The following MRPS24 variants were observed in gnomAD, a reference collection of about 807,000 sequenced individuals.
MRPS24 encodes the protein mitochondrial ribosomal protein S24.
MRPS24 carries 15 observed loss-of-function variants against 21.8 expected under a neutral mutation model. The observed-to-expected ratio is 0.69, with a 90% confidence interval of 0.46 to 1.06. The LOEUF is 1.06. Ranked by LOEUF, MRPS24 falls within the 50% of genes least tolerant of loss-of-function variation. MRPS24 has a pLI of 0.00. For synonymous variants in MRPS24, 93 were observed against 93.7 expected (o/e 0.99, Z 0.04); for missense variants, 224 against 219.1 (o/e 1.02, Z -0.14).
Position 43,869,360 on chromosome 7 carries a change from C to T in MRPS24, c.56G>A (p.Arg19Gln). 6.5e-7 allele frequency: 1 copy of T among 1,549,476 alleles called. No homozygotes were observed. Residue 19 changes from arginine (R) to glutamine (Q), a missense_variant, in exon 2 of 4, where the codon CGA becomes CAA. Transcript: ENST00000317534. The surrounding 1 kb of genome is among the most constrained non-coding windows in gnomAD (Gnocchi z 4.8). Reference sequence around the variant, plus strand: ...GGCGCGCCAAGCGCAAGGCAGCTCTCGGCTCCAGGACAGCACCTGTGGAGG... The same window carrying T: ...GGCGCGCCAAGCGCAAGGCAGCTCTTGGCTCCAGGACAGCACCTGTGGAGG... ...LLGPRVLSWS[R>Q]ELPCAWRALH...
At chr7:43,867,111 C>T (rs756308447) in intron 3 of MRPS24, 129 bp from the exon 4 acceptor site, 18 of 893,372 alleles carry the variant, frequency 2.0e-5, no homozygotes, top group Non-Finnish European at 2.9e-5. Flanking sequence ...CTCTTTTCTT[C>T]TGCTAATGGA....
Position 43,866,772 on chromosome 7 carries a change from G to A in MRPS24, c.431C>T (p.Ser144Phe). The stretch of plus-strand genomic sequence containing the variant: ...TCGCACAGGACATTTGTAAAAGTAG[G>A]ACAGCAAAGTTTCACTGTAGCCCAC... ...FLVGYSETLL[S>F]YFYKCPVRLH... Residue 144 changes from serine (S) to phenylalanine (F), a missense_variant, in exon 4 of 4, where the codon TCC becomes TTC. Ser to Phe is a radical substitution (Grantham distance 155, BLOSUM62 -2). Transcript: ENST00000317534. 1.9e-6 allele frequency: 3 copies of A among 1,614,186 alleles called. No individual in the cohort carries two copies. Among genetic ancestry groups the A allele is most frequent in the Middle Eastern group, 1.6e-4 (1 of 6,062 alleles).
rs752933133 is a variant in MRPS24, at chr7:43,869,479, C to T, written c.17G>A (p.Cys6Tyr). Residue 6 changes from cysteine (C) to tyrosine (Y), a missense_variant, in exon 1 of 4, where the codon TGC (cysteine) becomes TAC (tyrosine). Physicochemically the swap from Cys to Tyr is radical, Grantham distance 194 (BLOSUM62 -2). Transcript: ENST00000317534. The surrounding 1 kb of genome is among the most constrained non-coding windows in gnomAD (Gnocchi z 4.8). MAASVCSGLLGPRVLS... is the reference protein window; with the variant it reads MAASVYSGLLGPRVLS... Reference sequence around the variant, plus strand: ...CACCCGTGGCCCCAGCAACCCGCTGCACACGGAGGCCGCCATCTTGGGCCA... The same window carrying T: ...CACCCGTGGCCCCAGCAACCCGCTGTACACGGAGGCCGCCATCTTGGGCCA... The T allele has an allele frequency of 3.8e-6, 6 of 1,569,888 alleles. No homozygotes were observed. Among genetic ancestry groups the T allele is most frequent in the Non-Finnish European group, 5.2e-6 (6 of 1,158,962 alleles).
chr7:43,869,422 C>T lies in MRPS24; in HGVS notation c.39+35G>A, dbSNP rs1409179169. 2.6e-6 allele frequency: 4 copies of T among 1,552,892 alleles called. No homozygotes were observed. The South Asian group carries it at 4.7e-5, about 18-fold the overall frequency. On this transcript the variant is annotated intron_variant, in intron 1 of 3. Coordinates refer to ENST00000317534, the MANE Select transcript of MRPS24 (RefSeq NM_032014.3). The surrounding 1 kb of genome is among the most constrained non-coding windows in gnomAD (Gnocchi z 4.8). ...AGGCGGAAACTAGGGACCCCACCTC[C>T]GACTCGCAGGGACCTGCCGAGTCGC...
In MRPS24 at chr7:43,869,407, T is replaced by C. The variant is rs902541628; in HGVS notation, c.40-31A>G. On this transcript the variant is annotated intron_variant, in intron 1 of 3. Transcript: ENST00000317534. The surrounding 1 kb of genome is among the most constrained non-coding windows in gnomAD (Gnocchi z 4.8). ...GAGGGAGGGCGCGTGAGGCGGAAAC[T>C]AGGGACCCCACCTCCGACTCGCAGG... 1.3e-6 allele frequency: 2 copies of C among 1,550,890 alleles called. No homozygotes were observed. The highest frequency in any genetic ancestry group is 3.9e-5 in the Admixed American group (2 of 51,162).
chr7:43,869,320 CGGG>C lies in MRPS24; in HGVS notation c.93_95del (p.Pro32del). 1.9e-6 allele frequency: 3 copies of C among 1,545,438 alleles called. No homozygotes were observed. Among genetic ancestry groups the C allele is most frequent in the Admixed American group, 2.0e-5 (1 of 50,980 alleles). ...CGGCGGTGCTCACCTTGGCGCAGACCGGGGAGGTGTGCAGGGCGCGCCAAGCGC... is the reference window on the plus strand; with the variant it reads ...CGGCGGTGCTCACCTTGGCGCAGACCGAGGTGTGCAGGGCGCGCCAAGCGC... On this transcript the variant is annotated inframe_deletion, in exon 2 of 4. Transcript: ENST00000317534. The surrounding 1 kb of genome is among the most constrained non-coding windows in gnomAD (Gnocchi z 4.8).
At chr7:43,868,362 C>T (rs1325945786) in intron 3 of MRPS24, 2 of 152,240 alleles carry the variant, frequency 1.3e-5, no homozygotes, top group African/African-American at 2.4e-5. Context: ...TAGGCAGAGC[C>T]TTGTCGACCT....
At position 43,869,254 on chromosome 7, in the gene MRPS24, G is replaced by GCCCCCCGGC; in HGVS notation, c.108+53_108+54insGCCGGGGGG. 6 of 1,475,062 alleles carry GCCCCCCGGC rather than the reference G, an allele frequency of 4.1e-6. No individual in the cohort carries two copies. Among genetic ancestry groups the GCCCCCCGGC allele is most frequent in the Non-Finnish European group, 5.4e-6 (6 of 1,114,142 alleles). The allele number at this position is 1,475,062 out of a possible 1,614,324, so 91.4% of individuals were successfully genotyped here. A position where few individuals can be genotyped will look rare whatever the true frequency, so the allele number is the denominator to read the frequency against. Reference sequence around the variant, plus strand: ...CCCTTCAGCCCGCACGGCTTCCCCGGCCCCCGGCCCCCCGGCCCCCAGGCC... The same window carrying GCCCCCCGGC: ...CCCTTCAGCCCGCACGGCTTCCCCGGCCCCCCGGCCCCCCGGCCCCCCGGCCCCCAGGCC... On this transcript the variant is annotated intron_variant, in intron 2 of 3. Transcript: ENST00000317534. This position sits in a 1 kb window ranked among gnomAD's most constrained non-coding sequence, Gnocchi z 4.8.
In MRPS24 at chr7:43,866,797, CGA is replaced by C. The variant is rs780105594; in HGVS notation, c.404_405del (p.Leu135ArgfsTer5). ...GACAGCAAAGTTTCACTGTAGCCCA[CGA>C]GGAAGTAGTACTTGTGTGGAGACAA... Reference protein sequence around the residue: ...RQLSPHKYYFLVGYSETLLSY... With the variant: ...RQLSPHKYYFXVGYSETLLSY... On this transcript the variant is annotated frameshift_variant, in exon 4 of 4. Coordinates refer to ENST00000317534, the MANE Select transcript of MRPS24 (RefSeq NM_032014.3). LOFTEE classifies it high-confidence loss of function. 1 of 1,614,230 alleles carries C rather than the reference CGA, an allele frequency of 6.2e-7. No homozygotes were observed. The highest frequency in any genetic ancestry group is 2.2e-5 in the East Asian group (1 of 44,894).
intron 3 of MRPS24, 71 bp from the exon 4 acceptor site, chr7:43,867,053 A>T (rs1031002758): frequency 1.3e-6 from 2 of 1,535,642 alleles, no homozygotes; most frequent in African/African-American, 2.7e-5. Flanking sequence ...TCCAGAGTCA[A>T]CATCCAAAAG....
Position 43,869,457 on chromosome 7 carries a change from C to T in MRPS24, c.39G>A (p.Arg13=). The T allele has an allele frequency of 6.4e-7, 1 of 1,564,854 alleles. No homozygotes were observed. The highest frequency in any genetic ancestry group is 8.7e-7 in the Non-Finnish European group (1 of 1,155,708). ...ASVCSGLLGP[R]VLSWSRELPC... is the part of the protein sequence containing the mutation. ...GGACCTGCCGAGTCGCCCCACTCACCCGTGGCCCCAGCAACCCGCTGCACA... is the reference window on the plus strand; with the variant it reads ...GGACCTGCCGAGTCGCCCCACTCACTCGTGGCCCCAGCAACCCGCTGCACA... The change falls in exon 1 of 4, where the codon CGG becomes CGA. Residue 13 remains arginine, a splice_region_variant and synonymous_variant. Coordinates refer to ENST00000317534, the MANE Select transcript of MRPS24 (RefSeq NM_032014.3). This position sits in a 1 kb window ranked among gnomAD's most constrained non-coding sequence, Gnocchi z 4.8.
rs1294163426 is a variant in MRPS24, at chr7:43,869,287, C to T, written c.108+21G>A. On this transcript the variant is annotated intron_variant, in intron 2 of 3. Coordinates refer to ENST00000317534, the MANE Select transcript of MRPS24 (RefSeq NM_032014.3). This position sits in a 1 kb window ranked among gnomAD's most constrained non-coding sequence, Gnocchi z 4.8. ...CCCCCCGGCCCCCAGGCCCCCAGGC[C>T]CCTGCCCCGGCGGTGCTCACCTTGG... is the stretch of plus-strand genomic sequence containing the variant. The T allele has an allele frequency of 3.3e-6, 5 of 1,532,848 alleles. No homozygotes were observed. Among genetic ancestry groups the T allele is most frequent in the Admixed American group, 4.0e-5 (2 of 50,560 alleles). 95.0% of individuals were successfully genotyped at this position (1,532,848 alleles called of 1,614,324 possible). A position where few individuals can be genotyped will look rare whatever the true frequency, so the allele number is the denominator to read the frequency against.
chr7:43,866,907 G>C lies in MRPS24; in HGVS notation c.296C>G (p.Thr99Ser), dbSNP rs752722957. ...DVFLRKFMWG[T>S]FPGCLADQLV... is the part of the protein sequence containing the mutation. ...CTGGTCAGCCAGGCAGCCTGGGAAGGTACCCCACATGAACTTGCGAAGGAA... is the reference window on the plus strand; with the variant it reads ...CTGGTCAGCCAGGCAGCCTGGGAAGCTACCCCACATGAACTTGCGAAGGAA... The change falls in exon 4 of 4, where the codon ACC becomes AGC. Residue 99 changes from threonine to serine, a missense_variant. By Grantham distance (58) the Thr-to-Ser change is moderately conservative. Transcript: ENST00000317534. 1.2e-6 allele frequency: 2 copies of C among 1,614,186 alleles called. No individual in the cohort carries two copies. The highest frequency in any genetic ancestry group is 1.7e-6 in the Non-Finnish European group (2 of 1,180,028).
At chr7:43,868,055 C>T (rs1163531786) in intron 3 of MRPS24, 1 of 152,118 alleles carries the variant, frequency 6.6e-6, no homozygotes, top group Non-Finnish European at 1.5e-5. Flanking sequence ...CAATACATAA[C>T]CTAGTTTCCT....
chr7:43,866,671 AC>A lies in MRPS24; in HGVS notation c.*27del. On this transcript the variant is annotated 3_prime_UTR_variant, in exon 4 of 4. Coordinates refer to ENST00000317534, the MANE Select transcript of MRPS24 (RefSeq NM_032014.3). Reference sequence around the variant, plus strand: ...CCCACGTTTCCATTCTCTGCAGGCTACAGCTTGATGGAAAAAAGGGGATTGT... The same window carrying A: ...CCCACGTTTCCATTCTCTGCAGGCTAAGCTTGATGGAAAAAAGGGGATTGT... 9 of 1,608,364 alleles carry A rather than the reference AC, an allele frequency of 5.6e-6. No homozygotes were observed. Among genetic ancestry groups the A allele is most frequent in the Non-Finnish European group, 7.7e-6 (9 of 1,175,438 alleles).
chr7:43,869,113 A>C lies in MRPS24; in HGVS notation c.109-39T>G. On this transcript the variant is annotated intron_variant, in intron 2 of 3. Coordinates refer to ENST00000317534, the MANE Select transcript of MRPS24 (RefSeq NM_032014.3). This position sits in a 1 kb window ranked among gnomAD's most constrained non-coding sequence, Gnocchi z 4.8. ...GGGCCGTGACTCCACGAGATCCCCG[A>C]TCCAGACCCCTACTTCGCGCCATGT... The C allele has an allele frequency of 1.3e-6, 2 of 1,594,760 alleles. No homozygotes were observed. The highest frequency in any genetic ancestry group is 1.7e-6 in the Non-Finnish European group (2 of 1,174,144).
At chr7:43,868,477 T>C (rs552046303) in intron 3 of MRPS24, 1 of 152,618 alleles carries the variant, frequency 6.6e-6, no homozygotes, top group Non-Finnish European at 1.5e-5. Context: ...TTTTAGTCAG[T>C]AGAAGAATCT....
intron 3 of MRPS24, chr7:43,868,071 T>G (rs2095837782): frequency 6.6e-6 from 1 of 152,164 alleles, no homozygotes; most frequent in Non-Finnish European, 1.5e-5. Flanking sequence ...TTCCTTTGTG[T>G]TTCTGTTTAA....
chr7:43,869,451 ACT>A lies in MRPS24; in HGVS notation c.39+4_39+5del, dbSNP rs1327236764. 2.6e-6 allele frequency: 4 copies of A among 1,561,030 alleles called. No individual in the cohort carries two copies. Among genetic ancestry groups the A allele is most frequent in the Non-Finnish European group, 3.5e-6 (4 of 1,153,816 alleles). On this transcript the variant is annotated splice_donor_5th_base_variant and intron_variant, in intron 1 of 3. Transcript: ENST00000317534. The surrounding 1 kb of genome is among the most constrained non-coding windows in gnomAD (Gnocchi z 4.8). ...TCGCAGGGACCTGCCGAGTCGCCCCACTCACCCGTGGCCCCAGCAACCCGCTG... is the reference window on the plus strand; with the variant it reads ...TCGCAGGGACCTGCCGAGTCGCCCCACACCCGTGGCCCCAGCAACCCGCTG...
Sources: allele counts gnomAD v4.1 joint callset, GRCh38; gene constraint gnomAD v4.1.1; non-coding constraint Gnocchi (gnomAD v3.1); transcripts MANE v1.5; gene names NCBI Gene and HGNC (gene_info 2026-07-23, HGNC 2026-07-21).